The following VTI1A variants were observed in gnomAD, a reference collection of about 807,000 sequenced individuals.
VTI1A encodes the protein vesicle transport through interaction with t-SNAREs homolog 1A.
A neutral mutation model predicts 34.9 loss-of-function variants in VTI1A; 22 were observed. That is an observed-to-expected ratio of 0.63 (90% CI 0.45 to 0.90). The LOEUF (loss-of-function observed/expected upper bound fraction) is 0.90, where lower values mean the gene tolerates loss of function less well. Among genes scored for constraint, VTI1A ranks in the 40% least tolerant of loss-of-function variants. VTI1A has a pLI of 0.00. For missense variants in VTI1A, 268 were observed against 275.6 expected, an observed-to-expected ratio of 0.97 and a Z score of 0.20; for synonymous variants, 87 against 97.3, an observed-to-expected ratio of 0.89 and a Z score of 0.62.
intron 5 of VTI1A, among the ~76,000 whole-genome samples, chr10:112,621,185 C>T (rs544109126): frequency 1.3e-4 from 20 of 152,260 alleles, no homozygotes; most frequent in South Asian, 1.2e-3. Flanking sequence ...AAGTGTGTTT[C>T]GCTGCAGAAG....
At chr10:112,772,243 T>C (rs1386107506) in intron 7 of VTI1A, among the ~76,000 whole-genome samples, 1 of 152,206 alleles carries the variant, frequency 6.6e-6, no homozygotes, top group Non-Finnish European at 1.5e-5. Context: ...ATTCTAGCCA[T>C]CCTAATGGAT....
chr10:112,791,694 T>A (rs1223084895), intron 7 of VTI1A, among the ~76,000 whole-genome samples: 1 of 152,194 alleles, frequency 6.6e-6, no homozygotes, highest in African/African-American at 2.4e-5. Flanking sequence ...TTCCACAAGG[T>A]GCTTGAAGGC....
rs1468293852 is a variant in VTI1A, at chr10:112,736,107, G to GTATATATATATATA, written c.560+67110_560+67111insATATATATATATAT. ...TAGTATATTTTACATATATATGTGT[G>GTATATATATATATA]TGTGTATATATATATATATATATAT... On this transcript the variant is annotated intron_variant, in intron 7 of 7. Transcript: ENST00000393077. 2.2e-3 allele frequency among the ~76,000 whole-genome samples: 218 copies of GTATATATATATATA among 100,786 alleles called. 3 individuals carry two copies. Among genetic ancestry groups the GTATATATATATATA allele is most frequent in the East Asian group, 7.3e-3 (27 of 3,676 alleles). 66.1% of individuals were successfully genotyped at this position (100,786 alleles called of 152,430 possible).
chr10:112,684,534 G>A (rs1277096601), intron 7 of VTI1A, among the ~76,000 whole-genome samples: 1 of 151,604 alleles, frequency 6.6e-6, no homozygotes, highest in African/African-American at 2.4e-5. Flanking sequence ...CGCCTCCTGG[G>A]TTCAAGAGAT....
chr10:112,747,976 A>G (rs754714837), intron 7 of VTI1A, among the ~76,000 whole-genome samples: 6 of 152,134 alleles, frequency 3.9e-5, no homozygotes, highest in Admixed American at 3.9e-4. Flanking sequence ...ACCAAAGCGG[A>G]GAGGAAGTGA....
intron 3 of VTI1A, among the ~76,000 whole-genome samples, chr10:112,485,578 C>T (rs911568310): frequency 6.6e-6 from 1 of 152,164 alleles, no homozygotes; most frequent in African/African-American, 2.4e-5. Flanking sequence ...TGAAAGCTGA[C>T]GTTTTGGAAG....
At chr10:112,537,311 G>A (rs368281039) in intron 4 of VTI1A, among the ~76,000 whole-genome samples, 62 of 65,226 alleles carry the variant, frequency 9.5e-4, no homozygotes, top group South Asian at 1.4e-3. Flanking sequence ...AAGTATCTAG[G>A]TATATATATA....
At chr10:112,516,277 A>G (rs1849774164) in intron 3 of VTI1A, among the ~76,000 whole-genome samples, 1 of 152,086 alleles carries the variant, frequency 6.6e-6, no homozygotes, top group Non-Finnish European at 1.5e-5. Flanking sequence ...GGCAATATCT[A>G]ACTCATGAGA....
At chr10:112,760,806 T>A (rs1223191006) in intron 7 of VTI1A, among the ~76,000 whole-genome samples, 3 of 150,982 alleles carry the variant, frequency 2.0e-5, no homozygotes, top group Non-Finnish European at 4.4e-5. Context: ...GGAGAATGGC[T>A]TGAACCCAGG....
At chr10:112,795,348 C>T (rs1412182779) in intron 7 of VTI1A, among the ~76,000 whole-genome samples, 1 of 151,418 alleles carries the variant, frequency 6.6e-6, no homozygotes, top group African/African-American at 2.4e-5. Flanking sequence ...GAGTGAAGGA[C>T]TTAGGATAGT....
chr10:112,754,008 C>T (rs756697259), intron 7 of VTI1A, among the ~76,000 whole-genome samples: 35 of 152,148 alleles, frequency 2.3e-4, no homozygotes, highest in African/African-American at 7.2e-4. Flanking sequence ...AGCACGCAGA[C>T]GTCTTGCTGC....
intron 3 of VTI1A, among the ~76,000 whole-genome samples, chr10:112,523,154 T>C: frequency 6.6e-6 from 1 of 152,068 alleles, no homozygotes; most frequent in East Asian, 1.9e-4. Flanking sequence ...ACACATTCAG[T>C]TCAGTTGGGA....
chr10:112,830,849 A>ATATTTTTTTTTTTTTT, the VTI1A span, among the ~76,000 whole-genome samples: 5 of 33,496 alleles, frequency 1.5e-4, no homozygotes, highest in African/African-American at 2.9e-4. Context: ...ATATATATAT[A>ATATTTTTTTTTTTTTT]TTTTTTTTTT....
rs143178864 is a variant in VTI1A at position 112,738,945 on chromosome 10, C to T, written c.560+69947C>T. On this transcript the variant is annotated intron_variant, in intron 7 of 7. Transcript: ENST00000393077. ...CGCAGTGAGGGCTTAACACGTTCCA[C>T]GGCCTGAACTCGCTCTGAATGGACT... Among the ~76,000 whole-genome samples the T allele has an allele frequency of 9.2e-3, 1,406 of 152,300 alleles. 9 individuals carry two copies. The highest frequency in any genetic ancestry group is 0.017 in the Middle Eastern group (5 of 294).
intron 5 of VTI1A, among the ~76,000 whole-genome samples, chr10:112,667,948 T>C (rs540987415): frequency 7.9e-5 from 12 of 152,302 alleles, no homozygotes; most frequent in African/African-American, 2.9e-4. Flanking sequence ...TTGCTGATAT[T>C]TGCTGGAGTG....
intron 1 of VTI1A, among the ~76,000 whole-genome samples, chr10:112,456,314 C>G (rs187556207): frequency 6.7e-6 from 1 of 150,004 alleles, no homozygotes; most frequent in East Asian, 2.0e-4. Flanking sequence ...CCTAGCTACT[C>G]GGGAGGCTGC....
chr10:112,470,913 A>G (rs550503422), intron 3 of VTI1A, among the ~76,000 whole-genome samples: 1 of 152,258 alleles, frequency 6.6e-6, no homozygotes, highest in African/African-American at 2.4e-5. Flanking sequence ...ATAAAAAAGC[A>G]TCAGACTTTC....
chr10:112,531,369 A>G (rs1313067770), intron 4 of VTI1A, among the ~76,000 whole-genome samples: 2 of 152,088 alleles, frequency 1.3e-5, no homozygotes, highest in Non-Finnish European at 2.9e-5. Flanking sequence ...TGATGGAGCT[A>G]GTAACTCGAG....
At chr10:112,820,095 C>T (rs1853626126), downstream of VTI1A, among the ~76,000 whole-genome samples, 1 of 152,190 alleles carries the variant, frequency 6.6e-6, no homozygotes, top group African/African-American at 2.4e-5. Flanking sequence ...CAGGTGGGAC[C>T]TGGCCTCAAG....
Sources: gnomAD v4.1 joint callset for allele counts (sites outside exome capture counted in the v4.1 genomes callset) on GRCh38, gnomAD v4.1.1 for gene constraint, MANE v1.5 for transcripts, NCBI Gene and HGNC (gene_info 2026-07-23, HGNC 2026-07-21) for gene names.